CSMD1: variants seen among roughly 807,000 people sequenced by gnomAD.
The protein encoded by CSMD1 is CUB and sushi domain-containing protein 1.
CSMD1 carries 213 observed loss-of-function variants against 417.5 expected under a neutral mutation model. The observed-to-expected ratio is 0.51, with a 90% CI of 0.46 to 0.57. The LOEUF (loss-of-function observed/expected upper bound fraction) is 0.57, where lower values mean the gene tolerates loss of function less well. CSMD1 is among the 20% of genes least tolerant of loss of function. The pLI is 0.00. For missense variants in CSMD1, 6,923 were observed against 4,529.7 expected, an observed-to-expected ratio of 1.53 and a Z score of -15.17; for synonymous variants, 2,862 against 1,736.8, an observed-to-expected ratio of 1.65 and a Z score of -16.11.
chr8:3,617,045 A>C (rs575605863), intron 7 of CSMD1, among the ~76,000 whole-genome samples: 2 of 152,262 alleles, frequency 1.3e-5, no homozygotes, highest in South Asian at 4.2e-4. Context: ...AAGATGTCAA[A>C]ATTTAATAAA....
intron 35 of CSMD1, 148 bp downstream of exon 35, chr8:3,188,739 C>T: frequency 1.9e-6 from 1 of 526,908 alleles, no homozygotes; most frequent in Non-Finnish European, 3.0e-6. Flanking sequence ...AGAGTATAGT[C>T]TATGTATTTA....
intron 3 of CSMD1, among the ~76,000 whole-genome samples, chr8:4,052,202 G>A (rs12541545): frequency 1.3e-5 from 2 of 152,140 alleles, no homozygotes; most frequent in African/African-American, 2.4e-5. Context: ...TGGGGTTACA[G>A]GCATGAGCCA....
chr8:3,923,660 T>C (rs912706783), intron 5 of CSMD1, among the ~76,000 whole-genome samples: 1 of 152,202 alleles, frequency 6.6e-6, no homozygotes, highest in Non-Finnish European at 1.5e-5. Flanking sequence ...TTTTCAAATA[T>C]ATAATACATT....
intron 3 of CSMD1, among the ~76,000 whole-genome samples, chr8:4,159,506 G>GGT (rs1333756190): frequency 6.6e-6 from 1 of 152,096 alleles, no homozygotes; most frequent in Non-Finnish European, 1.5e-5. Flanking sequence ...AAGAAACTGT[G>GGT]GTATATATAT....
At chr8:4,280,166 AAG>A (rs1351028772) in intron 3 of CSMD1, among the ~76,000 whole-genome samples, 1 of 152,230 alleles carries the variant, frequency 6.6e-6, no homozygotes, top group Admixed American at 6.5e-5. Flanking sequence ...GTACGCTTAA[AAG>A]AAGATTTTAC....
chr8:3,895,421 T>G (rs182562905), intron 5 of CSMD1, among the ~76,000 whole-genome samples: 1 of 152,134 alleles, frequency 6.6e-6, no homozygotes, highest in Non-Finnish European at 1.5e-5. Context: ...TGTGGCCCTA[T>G]TAACACAACA....
rs555479626 is a variant in CSMD1, at chr8:4,787,888, G to C, written c.86-150330C>G. ...TTGTACACTGGTTGATATGAAGATT[G>C]AATTTGGTGTTGATGTAACCACAAA... On this transcript the variant is annotated intron_variant, in intron 1 of 69. Coordinates refer to ENST00000635120, the MANE Select transcript of CSMD1 (RefSeq NM_033225.6). The C allele has an allele frequency of 4.7e-4, 747 of 1,580,548 alleles. 10 individuals carry two copies. In the South Asian group the frequency reaches 7.5e-3, roughly 16 times the overall value.
chr8:4,449,951 C>A (rs546343657), intron 2 of CSMD1, among the ~76,000 whole-genome samples: 2 of 152,264 alleles, frequency 1.3e-5, no homozygotes, highest in East Asian at 3.9e-4. Context: ...CAATTTTGCT[C>A]TTTTTCTTGT....
intron 3 of CSMD1, among the ~76,000 whole-genome samples, chr8:4,200,564 A>C (rs1434363653): frequency 6.6e-6 from 1 of 150,408 alleles, no homozygotes; most frequent in Admixed American, 6.6e-5. Flanking sequence ...TCCTTATATA[A>C]TTATAAATCT....
chr8:3,022,831 G>A (rs183133628), intron 51 of CSMD1, among the ~76,000 whole-genome samples: 110 of 152,274 alleles, frequency 7.2e-4, no homozygotes, highest in Middle Eastern at 3.4e-3. Context: ...AAGGCACTCC[G>A]TATAGATCAG....
chr8:3,453,452 G>A (rs1241583332), intron 12 of CSMD1, among the ~76,000 whole-genome samples: 1 of 152,046 alleles, frequency 6.6e-6, no homozygotes, highest in Non-Finnish European at 1.5e-5. Flanking sequence ...GGCATTTAGT[G>A]CTATAAATTT....
At chr8:4,146,594 A>ATTTTTTTTTTT (rs71205423) in intron 3 of CSMD1, among the ~76,000 whole-genome samples, 4 of 64,264 alleles carry the variant, frequency 6.2e-5, no homozygotes, top group Non-Finnish European at 7.8e-5. Flanking sequence ...ATATGGACAC[A>ATTTTTTTTTTT]TTTTTTTTTT....
At chr8:3,938,577 C>T (rs1810658989) in intron 5 of CSMD1, among the ~76,000 whole-genome samples, 1 of 152,098 alleles carries the variant, frequency 6.6e-6, no homozygotes. Flanking sequence ...CTCTTTTTTT[C>T]AGGCATTTCT....
intron 3 of CSMD1, among the ~76,000 whole-genome samples, chr8:4,296,833 G>A (rs1220471868): frequency 1.3e-5 from 2 of 150,426 alleles, no homozygotes; most frequent in African/African-American, 2.4e-5. Flanking sequence ...GAAGATATCT[G>A]TGGAGGGCCT....
intron 3 of CSMD1, among the ~76,000 whole-genome samples, chr8:4,102,435 G>T (rs539961548): frequency 6.6e-6 from 1 of 152,128 alleles, no homozygotes; most frequent in Non-Finnish European, 1.5e-5. Flanking sequence ...TGTCATAATA[G>T]ATTTAAGAAA....
At chr8:3,360,159 C>T (rs1377489752) in intron 20 of CSMD1, among the ~76,000 whole-genome samples, 2 of 152,196 alleles carry the variant, frequency 1.3e-5, no homozygotes, top group African/African-American at 2.4e-5. Flanking sequence ...TATTTTCAAT[C>T]TGTAAACCAT....
intron 2 of CSMD1, among the ~76,000 whole-genome samples, chr8:4,544,753 T>A (rs921420045): frequency 5.3e-5 from 8 of 152,278 alleles, no homozygotes; most frequent in Non-Finnish European, 7.4e-5. Flanking sequence ...TCAGAGCAAA[T>A]CCATTTTTGA....
chr8:4,438,495 T>G (rs750943311), intron 2 of CSMD1, among the ~76,000 whole-genome samples: 2 of 152,224 alleles, frequency 1.3e-5, no homozygotes. Context: ...CCACAGCACC[T>G]GGCTGTAGGA....
intron 4 of CSMD1, among the ~76,000 whole-genome samples, chr8:4,027,449 G>A (rs560010844): frequency 2.6e-5 from 4 of 152,162 alleles, no homozygotes; most frequent in Non-Finnish European, 4.4e-5. Flanking sequence ...GGTCCTCCAT[G>A]CTGTTCTTGT....
Sources: gnomAD v4.1 joint callset for allele counts (sites outside exome capture counted in the v4.1 genomes callset) on GRCh38, gnomAD v4.1.1 for gene constraint, MANE v1.5 for transcripts, NCBI Gene and HGNC (gene_info 2026-07-23, HGNC 2026-07-21) for gene names.